Variants in NEMP2 observed in about 807,000 individuals in gnomAD.
NEMP2 encodes the protein nuclear envelope integral membrane protein 2.
A neutral mutation model predicts 54.2 loss-of-function variants in NEMP2; 53 were observed. That is an observed-to-expected ratio of 0.98 (90% confidence interval 0.78 to 1.23). The LOEUF (loss-of-function observed/expected upper bound fraction) is 1.23. NEMP2 is among the 50% of genes most tolerant of loss of function. The pLI is 0.00. For missense variants in NEMP2, 455 were observed against 511.3 expected (o/e 0.89, Z 1.06); for synonymous variants, 197 against 190.3 (o/e 1.04, Z -0.29).
In NEMP2 at chr2:190,525,277, A is replaced by G. The variant is rs1423085905; in HGVS notation, c.199T>C (p.Trp67Arg). The G allele has an allele frequency of 3.9e-6, 6 of 1,541,264 alleles. No homozygotes were observed. Among genetic ancestry groups the G allele is most frequent in the Non-Finnish European group, 5.3e-6 (6 of 1,137,722 alleles). The change falls in exon 2 of 9, where the codon TGG (tryptophan) becomes CGG (arginine). Residue 67 changes from tryptophan to arginine, a missense_variant. Physicochemically the swap from Trp to Arg is moderately radical, Grantham distance 101. Coordinates refer to ENST00000409150, the MANE Select transcript of NEMP2 (RefSeq NM_001142645.2). This position sits in a 1 kb window ranked among gnomAD's most constrained non-coding sequence, Gnocchi z 5.0. ...TAGGCCCTTACCTGCATAGTTGACC[A>G]TATGTATTTCCACTCCACTTGGGAA... ...QNSQVEWKYI[W>R]STMQVKITSP...
the NEMP2 span, among the ~76,000 whole-genome samples, chr2:190,586,356 AAC>A: frequency 6.6e-6 from 1 of 152,104 alleles, no homozygotes; most frequent in Non-Finnish European, 1.5e-5. This position sits in a 1 kb window ranked among gnomAD's most constrained non-coding sequence, Gnocchi z 4.5. Flanking sequence ...TTTATATATA[AAC>A]AGTCTGTTGT....
chr2:190,431,855 TTTTA>T, the NEMP2 span, among the ~76,000 whole-genome samples: 1 of 152,372 alleles, frequency 6.6e-6, no homozygotes, highest in Non-Finnish European at 1.5e-5. This position sits in a 1 kb window ranked among gnomAD's most constrained non-coding sequence, Gnocchi z 4.4. Context: ...TTCCAGAGCT[TTTTA>T]TTCAAGTATT....
At chr2:190,616,015 C>G in the NEMP2 span, among the ~76,000 whole-genome samples, 1 of 152,212 alleles carries the variant, frequency 6.6e-6, no homozygotes, top group East Asian at 1.9e-4. The surrounding 1 kb of genome is among the most constrained non-coding windows in gnomAD (Gnocchi z 5.1). Context: ...TCCCTAGCTG[C>G]TCTCTTCCTC....
downstream of NEMP2, among the ~76,000 whole-genome samples, chr2:190,503,513 A>G (rs964426839): frequency 2.6e-5 from 4 of 152,202 alleles, no homozygotes; most frequent in African/African-American, 9.7e-5. The surrounding 1 kb of genome is among the most constrained non-coding windows in gnomAD (Gnocchi z 6.3). Context: ...TCCTTTCGGG[A>G]GATCTCTGGG....
chr2:190,448,977 T>A, the NEMP2 span, among the ~76,000 whole-genome samples: 3 of 152,254 alleles, frequency 2.0e-5, no homozygotes, highest in African/African-American at 7.2e-5. Flanking sequence ...TGTGCATAGT[T>A]ATAGCTGTAT....
rs150106349 is a variant in NEMP2 at position 190,521,844 on chromosome 2, C to T, written c.214-2661G>A. On this transcript the variant is annotated intron_variant, in intron 2 of 8. Transcript: ENST00000409150. This position sits in a 1 kb window ranked among gnomAD's most constrained non-coding sequence, Gnocchi z 6.2. ...CTTCCAGGACATCTTCATTGTCCCT[C>T]CTTTTATTTCTCCTCTGCTTGCTCC... Among the ~76,000 whole-genome samples, 301 of 152,254 alleles carry T rather than the reference C, an allele frequency of 2.0e-3. 1 individual carries two copies. The highest frequency in any genetic ancestry group is 6.8e-3 in the African/African-American group (284 of 41,538).
the NEMP2 span, among the ~76,000 whole-genome samples, chr2:190,571,680 C>G: frequency 4.6e-3 from 698 of 152,228 alleles, 5 homozygotes; most frequent in African/African-American, 0.016. Flanking sequence ...ATGCTGATCC[C>G]TAGAGTCAAA....
the NEMP2 span, among the ~76,000 whole-genome samples, chr2:190,630,611 CT>C: frequency 6.6e-6 from 1 of 151,234 alleles, no homozygotes. The surrounding 1 kb of genome is among the most constrained non-coding windows in gnomAD (Gnocchi z 5.5). Flanking sequence ...ATCCTTAAAT[CT>C]TTTTTTTTCA....
At chr2:190,488,129 C>T in the NEMP2 span, among the ~76,000 whole-genome samples, 2 of 152,294 alleles carry the variant, frequency 1.3e-5, no homozygotes, top group South Asian at 4.1e-4. This position sits in a 1 kb window ranked among gnomAD's most constrained non-coding sequence, Gnocchi z 6.4. Context: ...TCTCAATCTC[C>T]TGACCTCGTG....
At chr2:190,558,905 T>G in the NEMP2 span, among the ~76,000 whole-genome samples, 3 of 152,244 alleles carry the variant, frequency 2.0e-5, no homozygotes, top group Non-Finnish European at 4.4e-5. This position sits in a 1 kb window ranked among gnomAD's most constrained non-coding sequence, Gnocchi z 4.4. Context: ...TATGTGTATA[T>G]ATGAATATTA....
At chr2:190,589,760 T>C in the NEMP2 span, among the ~76,000 whole-genome samples, 1 of 152,198 alleles carries the variant, frequency 6.6e-6, no homozygotes, top group Non-Finnish European at 1.5e-5. The surrounding 1 kb of genome is among the most constrained non-coding windows in gnomAD (Gnocchi z 4.3). Context: ...CTCTGGCCAA[T>C]GCTATCCTTG....
the NEMP2 span, among the ~76,000 whole-genome samples, chr2:190,430,820 A>ACGGGGCGGCCGG: frequency 1.6e-5 from 1 of 63,832 alleles, no homozygotes; most frequent in South Asian, 5.1e-4. Context: ...TCCCTCCCGG[A>ACGGGGCGGCCGG]CGGGGCGGCC....
At chr2:190,642,414 C>G in the NEMP2 span, among the ~76,000 whole-genome samples, 3 of 152,008 alleles carry the variant, frequency 2.0e-5, no homozygotes, top group African/African-American at 7.2e-5. This position sits in a 1 kb window ranked among gnomAD's most constrained non-coding sequence, Gnocchi z 4.1. Context: ...TCTATAGTAT[C>G]TTGTAATAAA....
the NEMP2 span, among the ~76,000 whole-genome samples, chr2:190,450,363 G>A: frequency 1.3e-5 from 2 of 151,886 alleles, no homozygotes; most frequent in Non-Finnish European, 2.9e-5. Context: ...ACTTGAAGAA[G>A]TAACAATTCC....
At chr2:190,482,924 G>T in the NEMP2 span, among the ~76,000 whole-genome samples, 1 of 103,842 alleles carries the variant, frequency 9.6e-6, no homozygotes, top group Admixed American at 1.5e-4. Flanking sequence ...TCACTCTGTC[G>T]CCCAGGCCGG....
the NEMP2 span, among the ~76,000 whole-genome samples, chr2:190,633,751 G>T: frequency 6.6e-6 from 1 of 152,182 alleles, no homozygotes; most frequent in East Asian, 1.9e-4. Flanking sequence ...ACTTGGCCTA[G>T]TCAAATTCTT....
chr2:190,441,290 C>T, the NEMP2 span, among the ~76,000 whole-genome samples: 1 of 152,006 alleles, frequency 6.6e-6, no homozygotes, highest in Non-Finnish European at 1.5e-5. Context: ...TCTCAACTCA[C>T]CAAGAGAGCT....
At chr2:190,563,465 G>GT in the NEMP2 span, among the ~76,000 whole-genome samples, 1 of 152,034 alleles carries the variant, frequency 6.6e-6, no homozygotes, top group Non-Finnish European at 1.5e-5. This position sits in a 1 kb window ranked among gnomAD's most constrained non-coding sequence, Gnocchi z 4.3. Flanking sequence ...TGACCATTAT[G>GT]TTTTTTTCCT....
chr2:190,570,325 TGA>T, the NEMP2 span, among the ~76,000 whole-genome samples: 1 of 152,222 alleles, frequency 6.6e-6, no homozygotes, highest in East Asian at 1.9e-4. The surrounding 1 kb of genome is among the most constrained non-coding windows in gnomAD (Gnocchi z 5.4). Flanking sequence ...GGTTTATGAA[TGA>T]GTTTGAATAA....
Sources: allele counts gnomAD v4.1 joint callset (sites outside exome capture counted in the v4.1 genomes callset), GRCh38; gene constraint gnomAD v4.1.1; non-coding constraint Gnocchi (gnomAD v3.1); transcripts MANE v1.5; gene names NCBI Gene and HGNC (gene_info 2026-07-23, HGNC 2026-07-21).